The following PLAA variants were observed in gnomAD, a reference collection of about 807,000 sequenced individuals.
The protein encoded by PLAA is phospholipase A-2-activating protein.
PLAA carries 48 observed loss-of-function variants against 84.1 expected under a neutral mutation model. The observed-to-expected ratio is 0.57, with a 90% CI of 0.45 to 0.73. The LOEUF (loss-of-function observed/expected upper bound fraction) is 0.73, where lower values mean the gene tolerates loss of function less well. Among genes scored for constraint, PLAA ranks in the 30% least tolerant of loss-of-function variants. The pLI is 0.00. For missense variants in PLAA, 903 were observed against 954.7 expected, an observed-to-expected ratio of 0.95 and a Z score of 0.71; for synonymous variants, 392 against 336.6, an observed-to-expected ratio of 1.16 and a Z score of -1.80.
At chr9:26,946,861 C>T in intron 1 of PLAA, 36 bp downstream of exon 1, 1 of 1,541,094 alleles carries the variant, frequency 6.5e-7, no homozygotes, top group Non-Finnish European at 8.7e-7. Flanking sequence ...GGGAAGCGTG[C>T]AACACAGCCG....
intron 10 of PLAA, among the ~76,000 whole-genome samples, chr9:26,914,148 T>C (rs956677477): frequency 1.3e-5 from 2 of 152,224 alleles, no homozygotes; most frequent in African/African-American, 4.8e-5. Flanking sequence ...AAGTAAACAT[T>C]ACATGCCTTA....
rs1824279456 is a variant in PLAA, at chr9:26,907,688, G to A, written c.1822+146C>T. 3 of 643,634 alleles carry A rather than the reference G, an allele frequency of 4.7e-6. No individual in the cohort carries two copies. The East Asian group carries it at 8.8e-5, about 19-fold the overall frequency. The allele number at this position is 643,634 out of a possible 1,614,324, so 39.9% of individuals were successfully genotyped here. A position where few individuals can be genotyped will look rare whatever the true frequency, so the allele number is the denominator to read the frequency against. On this transcript the variant is annotated intron_variant, in intron 13 of 13. Coordinates refer to ENST00000397292, the MANE Select transcript of PLAA (RefSeq NM_001031689.3). ...CAAGATCATCAATTCCAGTAGTGTA[G>A]TGAACCCTTTTCGTGAAGATTTTCC...
chr9:26,941,156 CA>C (rs1313819884), intron 1 of PLAA, among the ~76,000 whole-genome samples: 25 of 25,276 alleles, frequency 9.9e-4, no homozygotes, highest in Admixed American at 2.2e-3. Flanking sequence ...GGTATTAAGA[CA>C]AAAAAAAAAA....
At chr9:26,916,631 C>T (rs895522290) in intron 10 of PLAA, 90 of 989,490 alleles carry the variant, frequency 9.1e-5, no homozygotes, top group Non-Finnish European at 1.8e-5. Context: ...ATGGCTCCTT[C>T]TCTGCTCGTG....
At position 26,919,475 on chromosome 9, in the gene PLAA, A is replaced by G. The variant is rs747645310; in HGVS notation, c.1252T>C (p.Leu418=). 1.2e-6 allele frequency: 2 copies of G among 1,611,130 alleles called. No individual in the cohort carries two copies. The highest frequency in any genetic ancestry group is 2.2e-5 in the South Asian group (2 of 90,982). Residue 418 remains leucine, a synonymous_variant, in exon 9 of 14, where the codon TTG becomes CTG. Transcript: ENST00000397292. Reference sequence around the variant, plus strand: ...GGGTCATCACTGGTATTATATGGCAATTTATATGATGGTCCACCTTCATTG... The same window carrying G: ...GGGTCATCACTGGTATTATATGGCAGTTTATATGATGGTCCACCTTCATTG... ...DVNEGGPSYK[L]PYNTSDDPWL... is the part of the protein sequence containing the mutation.
chr9:26,926,818 C>T (rs10967602), intron 4 of PLAA, among the ~76,000 whole-genome samples: 10,242 of 152,004 alleles, frequency 0.067, 1,184 homozygotes, highest in East Asian at 0.55. Context: ...AGTATTTTGA[C>T]CCCAATAATT....
intron 7 of PLAA, among the ~76,000 whole-genome samples, chr9:26,922,209 TA>T (rs1374795714): frequency 1.3e-5 from 2 of 152,114 alleles, no homozygotes; most frequent in African/African-American, 2.4e-5. Context: ...CAAAATGTAA[TA>T]AAACTGATAA....
chr9:26,923,770 G>A (rs1824848658), intron 6 of PLAA, among the ~76,000 whole-genome samples: 1 of 152,142 alleles, frequency 6.6e-6, no homozygotes, highest in Non-Finnish European at 1.5e-5. Context: ...CCTTTACTAT[G>A]CCAGTAACTA....
intron 1 of PLAA, among the ~76,000 whole-genome samples, chr9:26,945,612 A>G (rs1401314638): frequency 6.6e-6 from 1 of 152,150 alleles, no homozygotes; most frequent in Non-Finnish European, 1.5e-5. Flanking sequence ...ATTCTCTACC[A>G]TCAGCTAGCA....
chr9:26,922,669 AT>A (rs72464032), intron 7 of PLAA, among the ~76,000 whole-genome samples: 3,501 of 140,692 alleles, frequency 0.025, 98 homozygotes, highest in African/African-American at 0.078. Context: ...ATTTTAACTC[AT>A]TTTTTTTTTT....
intron 1 of PLAA, among the ~76,000 whole-genome samples, chr9:26,941,851 G>A (rs1825555330): frequency 6.6e-6 from 1 of 151,334 alleles, no homozygotes; most frequent in South Asian, 2.1e-4. Context: ...TAAAGAGAAA[G>A]CAGCCAAAGA....
At chr9:26,926,672 A>G in intron 4 of PLAA, 112 bp from the exon 5 acceptor site, 1 of 722,532 alleles carries the variant, frequency 1.4e-6, no homozygotes, top group Non-Finnish European at 2.1e-6. Context: ...ATTAATTTTC[A>G]AGTTAGAGAA....
intron 11 of PLAA, among the ~76,000 whole-genome samples, chr9:26,913,142 T>C (rs1453022230): frequency 1.3e-5 from 2 of 152,212 alleles, no homozygotes; most frequent in East Asian, 1.9e-4. Flanking sequence ...GAATAACATA[T>C]ATGTTACTCA....
intron 10 of PLAA, chr9:26,915,609 T>C: frequency 1.3e-6 from 1 of 783,650 alleles, no homozygotes; most frequent in Non-Finnish European, 1.5e-6. Context: ...TATGCTATTT[T>C]ATTTTCATAC....
In PLAA at chr9:26,919,361, T is replaced by G; in HGVS notation, c.1366A>C (p.Lys456Gln). 6.2e-7 allele frequency: 1 copy of G among 1,612,634 alleles called. No homozygotes were observed. The highest frequency in any genetic ancestry group is 8.5e-7 in the Non-Finnish European group (1 of 1,179,674). Residue 456 changes from lysine to glutamine, a missense_variant, in exon 9 of 14, where the codon AAA becomes CAA. Lys to Gln is a moderately conservative substitution (Grantham distance 53). Coordinates refer to ENST00000397292, the MANE Select transcript of PLAA (RefSeq NM_001031689.3). ...TTCCCAAGTCCCAACATTTGACCTT[T>G]TGTGTTATCAATAATAAATTTAGCT... The part of the protein sequence containing the change: ...QVAKFIIDNT[K>Q]GQMLGLGNPS...
chr9:26,914,228 A>T lies in PLAA; in HGVS notation c.1487-281T>A, dbSNP rs142319240. On this transcript the variant is annotated intron_variant, in intron 10 of 13. Coordinates refer to ENST00000397292, the MANE Select transcript of PLAA (RefSeq NM_001031689.3). ...GGATTGGAGAGAAATAAAAGTTTCC[A>T]GAATAAAATGTGAACACTATTCTAT... 6.1e-3 allele frequency among the ~76,000 whole-genome samples: 923 copies of T among 152,342 alleles called. 3 individuals carry two copies. The highest frequency in any genetic ancestry group is 0.034 in the Middle Eastern group (10 of 294).
Position 26,926,517 on chromosome 9 carries a change from T to C in PLAA, c.609A>G (p.Thr203=). The C allele has an allele frequency of 1.2e-6, 2 of 1,613,680 alleles. No homozygotes were observed. The highest frequency in any genetic ancestry group is 2.2e-5 in the South Asian group (2 of 91,056). Reference sequence around the variant, plus strand: ...CATCATTTGCACAGGAAAGAAATTCTGTTTCACTCAAAATTGCCAAACCTC... The same window carrying C: ...CATCATTTGCACAGGAAAGAAATTCCGTTTCACTCAAAATTGCCAAACCTC... ...CVRGLAILSE[T]EFLSCANDAS... is the part of the protein sequence containing the mutation. The change falls in exon 5 of 14, where the codon ACA becomes ACG. Residue 203 remains threonine, a synonymous_variant. Coordinates refer to ENST00000397292, the MANE Select transcript of PLAA (RefSeq NM_001031689.3).
intron 12 of PLAA, among the ~76,000 whole-genome samples, chr9:26,909,684 G>C (rs1044146917): frequency 1.3e-5 from 2 of 150,978 alleles, no homozygotes; most frequent in South Asian, 2.1e-4. Context: ...GCAGTGGCGC[G>C]ATCTCGGGCT....
At chr9:26,935,744 C>T (rs1239318497) in intron 1 of PLAA, among the ~76,000 whole-genome samples, 1 of 151,944 alleles carries the variant, frequency 6.6e-6, no homozygotes, top group African/African-American at 2.4e-5. Flanking sequence ...GAAGAATTGT[C>T]TTGAGCCACG....
Sources: gnomAD v4.1 joint callset for allele counts (sites outside exome capture counted in the v4.1 genomes callset) on GRCh38, gnomAD v4.1.1 for gene constraint, MANE v1.5 for transcripts, NCBI Gene and HGNC (gene_info 2026-07-23, HGNC 2026-07-21) for gene names.